Variants in TESMIN observed in about 807,000 individuals in gnomAD.
TESMIN encodes CXC domain containing 2.
In TESMIN, 34 loss-of-function variants were observed where a neutral mutation model predicts 47.4. The observed-to-expected ratio is 0.72, with a 90% CI of 0.55 to 0.96. The LOEUF (loss-of-function observed/expected upper bound fraction) is 0.96. TESMIN is among the 40% of genes least tolerant of loss of function. The pLI is 0.00. For synonymous variants in TESMIN, 278 were observed against 258.9 expected (o/e 1.07, Z -0.71); for missense variants, 610 against 637.2 (o/e 0.96, Z 0.46).
At chr11:68,742,281 G>T in intron 5 of TESMIN, 37 bp downstream of exon 5, 1 of 1,272,344 alleles carries the variant, frequency 7.9e-7, no homozygotes, top group Non-Finnish European at 1.1e-6. Flanking sequence ...AGACAATAAT[G>T]CAAAATTGTA....
At position 68,713,022 on chromosome 11, in the gene TESMIN, C is replaced by T. The variant is rs554237038; in HGVS notation, c.1158+248G>A. Among the ~76,000 whole-genome samples, 5 of 152,308 alleles carry T rather than the reference C, an allele frequency of 3.3e-5. No homozygotes were observed. The East Asian group carries it at 5.8e-4, about 18-fold the overall frequency. On this transcript the variant is annotated intron_variant, in intron 8 of 9. Transcript: ENST00000255087. The stretch of plus-strand genomic sequence containing the variant: ...ACGCAGAGGGCACCCTCACTGGGTA[C>T]TCAGGGCTGGGCTCAGGGGAAGCAA...
In TESMIN at chr11:68,747,370, GA is replaced by G. The variant is rs1178612723; in HGVS notation, c.472-5del. On this transcript the variant is annotated splice_region_variant and splice_polypyrimidine_tract_variant and intron_variant, in intron 2 of 9. Transcript: ENST00000255087. ...CACCTGCTTCCTTGATTTCAACCTAGAAAAAAGCAATAATTATTTTAGAGAA... is the reference window on the plus strand; with the variant it reads ...CACCTGCTTCCTTGATTTCAACCTAGAAAAAGCAATAATTATTTTAGAGAA... The G allele has an allele frequency of 6.2e-7, 1 of 1,608,738 alleles. No homozygotes were observed. Among genetic ancestry groups the G allele is most frequent in the African/African-American group, 1.3e-5 (1 of 74,766 alleles).
Position 68,750,390 on chromosome 11 carries a change from C to A in TESMIN, c.271G>T (p.Gly91Trp). Residue 91 changes from glycine (G) to tryptophan (W), a missense_variant, in exon 2 of 10, where the codon GGG becomes TGG. Coordinates refer to ENST00000255087, the MANE Select transcript of TESMIN (RefSeq NM_004923.3). ...AKLAGGDSDG[G>W]ELLGEYPGIP... is the part of the protein sequence containing the mutation. ...CCGGGGTACTCCCCGAGGAGCTCCC[C>A]GCCGTCGCTGTCGCCCCCCGCGAGC... The A allele has an allele frequency of 6.6e-7, 1 of 1,513,716 alleles. No homozygotes were observed. The highest frequency in any genetic ancestry group is 8.9e-7 in the Non-Finnish European group (1 of 1,126,778). The allele number at this position is 1,513,716 out of a possible 1,614,324, so 93.8% of individuals were successfully genotyped here.
rs759591731 is a variant in TESMIN, at chr11:68,750,695, C to G, written c.-35G>C. ...CGGCGGGGCGGGATGGCGGGGGCCGCGCACCTGCAACACGCGGCCAGGTGA... is the reference window on the plus strand; with the variant it reads ...CGGCGGGGCGGGATGGCGGGGGCCGGGCACCTGCAACACGCGGCCAGGTGA... On this transcript the variant is annotated 5_prime_UTR_variant, in exon 2 of 10. Transcript: ENST00000255087. 3.6e-6 allele frequency: 5 copies of G among 1,405,402 alleles called. No individual in the cohort carries two copies. In the African/African-American group the frequency reaches 6.0e-5, roughly 17 times the overall value. 87.1% of individuals were successfully genotyped at this position (1,405,402 alleles called of 1,614,324 possible).
At chr11:68,715,156 C>T (rs1946121902) in intron 7 of TESMIN, among the ~76,000 whole-genome samples, 2 of 152,342 alleles carry the variant, frequency 1.3e-5, no homozygotes, top group East Asian at 3.9e-4. Flanking sequence ...CAATGGCTCT[C>T]AATTTCCCTT....
At chr11:68,741,145 A>G (rs1011826911) in intron 5 of TESMIN, among the ~76,000 whole-genome samples, 2 of 151,742 alleles carry the variant, frequency 1.3e-5, no homozygotes, top group African/African-American at 4.8e-5. Context: ...TTGCCATAAC[A>G]GGCTCACCGT....
chr11:68,745,227 G>GA, intron 3 of TESMIN, 116 bp from the exon 4 acceptor site: 1 of 902,724 alleles, frequency 1.1e-6, no homozygotes, highest in Non-Finnish European at 1.6e-6. Context: ...CATTTTAATG[G>GA]AAGATAGAAA....
chr11:68,712,924 C>T (rs926131545), intron 8 of TESMIN, among the ~76,000 whole-genome samples: 8 of 152,064 alleles, frequency 5.3e-5, no homozygotes, highest in South Asian at 2.1e-4. Flanking sequence ...GAGGAAGAGG[C>T]GCGGCTGCCC....
chr11:68,750,316 C>T lies in TESMIN; in HGVS notation c.345G>A (p.Pro115=). The part of the protein sequence containing the change: ...ALEDVALLQA[P]QPPACNVHFL... ...AGTGCACGTTGCAGGCGGGCGGCTG[C>T]GGGGCCTGCAGGAGCGCGACGTCCT... Residue 115 remains proline (P), a synonymous_variant, in exon 2 of 10, where the codon CCG becomes CCA. Transcript: ENST00000255087. 6.6e-7 allele frequency: 1 copy of T among 1,517,192 alleles called. No homozygotes were observed. 94.0% of individuals were successfully genotyped at this position (1,517,192 alleles called of 1,614,324 possible).
intron 6 of TESMIN, among the ~76,000 whole-genome samples, chr11:68,728,836 G>A (rs1946294750): frequency 6.6e-6 from 1 of 152,228 alleles, no homozygotes; most frequent in Non-Finnish European, 1.5e-5. Flanking sequence ...CAGCACATCT[G>A]TTTACAGCAT....
chr11:68,710,692 A>G, intron 9 of TESMIN, 182 bp downstream of exon 9: 2 of 564,222 alleles, frequency 3.5e-6, no homozygotes, highest in South Asian at 5.4e-5. Flanking sequence ...CGGGGCCTCT[A>G]AGGAAACACA....
chr11:68,746,561 C>T (rs1946522482), intron 3 of TESMIN, among the ~76,000 whole-genome samples: 1 of 152,154 alleles, frequency 6.6e-6, no homozygotes, highest in South Asian at 2.1e-4. Context: ...TTCTTGGACT[C>T]TGGGTGCTTT....
intron 9 of TESMIN, among the ~76,000 whole-genome samples, chr11:68,709,059 GT>G (rs990482431): frequency 1.1e-4 from 15 of 137,502 alleles, no homozygotes; most frequent in African/African-American, 4.1e-4. Flanking sequence ...CGGAGACCCT[GT>G]CTTAAAAAAA....
At chr11:68,745,824 C>A (rs1946513647) in intron 3 of TESMIN, among the ~76,000 whole-genome samples, 3 of 152,172 alleles carry the variant, frequency 2.0e-5, no homozygotes, top group Non-Finnish European at 4.4e-5. Context: ...TCCATCCCAT[C>A]AGTCAAGCAA....
intron 1 of TESMIN, among the ~76,000 whole-genome samples, chr11:68,751,122 G>A (rs1438117005): frequency 3.7e-5 from 4 of 106,772 alleles, no homozygotes; most frequent in African/African-American, 1.1e-4. Flanking sequence ...GGGAGTCAGG[G>A]GAGGGGCGAC....
In TESMIN at chr11:68,749,758, G is replaced by C. The variant is rs562964396; in HGVS notation, c.471+432C>G. The stretch of plus-strand genomic sequence containing the variant: ...GATTCCAAGCCTGGTAAAGTTAAAG[G>C]AAAAAAAAAATGCAAGATGCAAACA... On this transcript the variant is annotated intron_variant, in intron 2 of 9. Transcript: ENST00000255087. Among the ~76,000 whole-genome samples the C allele has an allele frequency of 3.4e-5, 5 of 148,860 alleles. No homozygotes were observed. The East Asian group carries it at 9.8e-4, about 29-fold the overall frequency.
At position 68,738,750 on chromosome 11, in the gene TESMIN, A is replaced by G; in HGVS notation, c.867T>C (p.Ala289=). 6.2e-7 allele frequency: 1 copy of G among 1,614,152 alleles called. No homozygotes were observed. The highest frequency in any genetic ancestry group is 1.1e-5 in the South Asian group (1 of 91,080). The change falls in exon 6 of 10, where the codon GCT becomes GCC. Residue 289 remains alanine (A), a synonymous_variant. Transcript: ENST00000255087. ...CTGGAAGAGTTGATCCCGAGGGGAA[A>G]GCAGACCCGTTGACTACCGATGGTA... ...GALPSVVNGS[A]FPSGSTLPGP...
Position 68,747,210 on chromosome 11 carries a change from T to C in TESMIN, c.628A>G (p.Met210Val), listed in dbSNP as rs760970953. Residue 210 changes from methionine (M) to valine (V), a missense_variant and splice_region_variant, in exon 3 of 10, where the codon ATG becomes GTG. Met to Val is a conservative substitution (Grantham distance 21, BLOSUM62 1). Transcript: ENST00000255087. ...CCSLKKDSNP[M>V]VICQLKGGTQ... ...CACATCTTCTTTAGCATAATTACCATTGGGTTGGAATCTTTCTTAAGAGAA... is the reference window on the plus strand; with the variant it reads ...CACATCTTCTTTAGCATAATTACCACTGGGTTGGAATCTTTCTTAAGAGAA... The C allele has an allele frequency of 7.4e-6, 12 of 1,613,714 alleles. No homozygotes were observed. Among genetic ancestry groups the C allele is most frequent in the East Asian group, 4.5e-5 (2 of 44,894 alleles).
chr11:68,706,517 A>G (rs1279604444), downstream of TESMIN, among the ~76,000 whole-genome samples: 1 of 152,208 alleles, frequency 6.6e-6, no homozygotes, highest in Non-Finnish European at 1.5e-5. Flanking sequence ...CCGTTGCCTC[A>G]GGAGAATGCT....
Sources: gnomAD v4.1 joint callset for allele counts (sites outside exome capture counted in the v4.1 genomes callset) on GRCh38, gnomAD v4.1.1 for gene constraint, MANE v1.5 for transcripts, NCBI Gene and HGNC (gene_info 2026-07-23, HGNC 2026-07-21) for gene names.